Variants in SPTY2D1 observed in about 807,000 individuals in gnomAD.
SPTY2D1 encodes SPT2 chromatin protein domain containing 1.
Under a neutral mutation model 64.0 loss-of-function variants are expected in SPTY2D1, and 21 were observed. That is an observed-to-expected ratio of 0.33 (90% CI 0.23 to 0.47). The LOEUF (loss-of-function observed/expected upper bound fraction) is 0.47, where lower values mean the gene tolerates loss of function less well. SPTY2D1 is among the 20% of genes least tolerant of loss of function. The pLI, the probability that SPTY2D1 is intolerant of heterozygous loss-of-function variation, is 1.00. For missense variants in SPTY2D1, 724 were observed against 837.2 expected, an observed-to-expected ratio of 0.86 and a Z score of 1.67; for synonymous variants, 287 against 286.8, an observed-to-expected ratio of 1.00 and a Z score of -0.01.
rs777892914 is a variant in SPTY2D1 at position 18,615,242 on chromosome 11, A to G, written c.1032T>C (p.Ser344=). ...KSAVEHKAKK[S]LSHPSHSRPG... is the part of the protein sequence containing the mutation. ...GCCTGGAATGGCTAGGATGGGACAG[A>G]GATTTTTTGGCTTTGTGCTCAACAG... Residue 344 remains serine, a synonymous_variant, in exon 3 of 6, where the codon TCT becomes TCC. Transcript: ENST00000336349. 6 of 1,614,206 alleles carry G rather than the reference A, an allele frequency of 3.7e-6. No homozygotes were observed. The Admixed American group carries it at 1.0e-4, about 27-fold the overall frequency.
intron 1 of SPTY2D1, among the ~76,000 whole-genome samples, chr11:18,624,693 T>C (rs1854468107): frequency 6.6e-6 from 1 of 152,182 alleles, no homozygotes; most frequent in African/African-American, 2.4e-5. Flanking sequence ...CTGTATGTTA[T>C]GTTGGAATCG....
chr11:18,618,096 CAG>C (rs555492315), intron 1 of SPTY2D1, among the ~76,000 whole-genome samples: 36 of 152,180 alleles, frequency 2.4e-4, no homozygotes, highest in Non-Finnish European at 4.4e-4. Context: ...CTGACTACTC[CAG>C]ATGATTTCCT....
chr11:18,623,219 A>C (rs540369989), intron 1 of SPTY2D1, among the ~76,000 whole-genome samples: 119 of 152,310 alleles, frequency 7.8e-4, no homozygotes, highest in Non-Finnish European at 1.4e-3. Context: ...AAGTGGGTCC[A>C]CACAGTTCAA....
At position 18,608,537 on chromosome 11, in the gene SPTY2D1, T is replaced by TC. The variant is rs1854144128; in HGVS notation, c.*1323dup. ...TATTCCTACAAGCTTATGTCTCACT[T>TC]CCCCTAAGCCTCTGTACTTACAGTC... On this transcript the variant is annotated 3_prime_UTR_variant, in exon 6 of 6. Transcript: ENST00000336349. 2 of 152,298 alleles carry TC rather than the reference T, an allele frequency of 1.3e-5. No individual in the cohort carries two copies. Among genetic ancestry groups the TC allele is most frequent in the South Asian group, 2.1e-4 (1 of 4,828 alleles). The allele number at this position is 152,298 out of a possible 1,614,324, so 9.4% of individuals were successfully genotyped here.
Position 18,607,455 on chromosome 11 carries a change from A to G in SPTY2D1, c.*2406T>C, listed in dbSNP as rs1854127543. The G allele has an allele frequency of 1.3e-5, 2 of 152,664 alleles. No homozygotes were observed. The highest frequency in any genetic ancestry group is 4.8e-5 in the African/African-American group (2 of 41,452). 9.5% of individuals were successfully genotyped at this position (152,664 alleles called of 1,614,324 possible). A position where few individuals can be genotyped will look rare whatever the true frequency, so the allele number is the denominator to read the frequency against. On this transcript the variant is annotated 3_prime_UTR_variant, in exon 6 of 6. Transcript: ENST00000336349. ...ATCATGTAACATTATTACAATCATG[A>G]AATATTACTACATTCGTGATTAACA...
chr11:18,630,419 G>A (rs950453663), intron 1 of SPTY2D1, among the ~76,000 whole-genome samples: 2 of 152,162 alleles, frequency 1.3e-5, no homozygotes, highest in Non-Finnish European at 2.9e-5. Context: ...AGGCTGCAGT[G>A]AGCAGAGATA....
Position 18,606,659 on chromosome 11 carries a change from T to C in SPTY2D1, c.*3202A>G, listed in dbSNP as rs1244441067. On this transcript the variant is annotated 3_prime_UTR_variant, in exon 6 of 6. Coordinates refer to ENST00000336349, the MANE Select transcript of SPTY2D1 (RefSeq NM_194285.3). ...TAATCACATCCACTCAGAAAATAAATAGTAGTCTAATATATTCAATACATT... is the reference window on the plus strand; with the variant it reads ...TAATCACATCCACTCAGAAAATAAACAGTAGTCTAATATATTCAATACATT... 7.7e-6 allele frequency: 3 copies of C among 390,896 alleles called. No individual in the cohort carries two copies. Among genetic ancestry groups the C allele is most frequent in the South Asian group, 5.7e-5 (3 of 52,506 alleles). The allele number at this position is 390,896 out of a possible 1,614,324, so 24.2% of individuals were successfully genotyped here. A position where few individuals can be genotyped will look rare whatever the true frequency, so the allele number is the denominator to read the frequency against.
At chr11:18,628,913 G>C (rs1404947675) in intron 1 of SPTY2D1, among the ~76,000 whole-genome samples, 1 of 152,120 alleles carries the variant, frequency 6.6e-6, no homozygotes, top group Admixed American at 6.5e-5. Flanking sequence ...TTTTTATGCA[G>C]ACTACTTCAA....
At chr11:18,619,618 G>A (rs755111671) in intron 1 of SPTY2D1, among the ~76,000 whole-genome samples, 7 of 152,200 alleles carry the variant, frequency 4.6e-5, no homozygotes, top group Non-Finnish European at 1.0e-4. Flanking sequence ...TTAGCTGGGC[G>A]TGGTGGTGCC....
At position 18,607,060 on chromosome 11, in the gene SPTY2D1, A is replaced by C. The variant is rs1590397280; in HGVS notation, c.*2801T>G. 2 of 234,874 alleles carry C rather than the reference A, an allele frequency of 8.5e-6. No homozygotes were observed. Among genetic ancestry groups the C allele is most frequent in the African/African-American group, 4.8e-5 (2 of 41,888 alleles). The allele number at this position is 234,874 out of a possible 1,614,324, so 14.5% of individuals were successfully genotyped here. Reference sequence around the variant, plus strand: ...ATTTTTAGTAGAGACGGGGTCTCACACCATGTTGGCCAGGCTGGTCTCGAA... The same window carrying C: ...ATTTTTAGTAGAGACGGGGTCTCACCCCATGTTGGCCAGGCTGGTCTCGAA... On this transcript the variant is annotated 3_prime_UTR_variant, in exon 6 of 6. Coordinates refer to ENST00000336349, the MANE Select transcript of SPTY2D1 (RefSeq NM_194285.3).
chr11:18,629,051 G>C lies in SPTY2D1; in HGVS notation c.60+5147C>G, dbSNP rs191330735. 5.3e-5 allele frequency among the ~76,000 whole-genome samples: 8 copies of C among 152,242 alleles called. No individual in the cohort carries two copies. In the East Asian group the frequency reaches 1.5e-3, roughly 29 times the overall value. On this transcript the variant is annotated intron_variant, in intron 1 of 5. Transcript: ENST00000336349. ...GGCTATAGGCAGACCCCCAAATTCT[G>C]GTATACCTGGTACCACATGAAGGTT...
In SPTY2D1 at chr11:18,634,299, G is replaced by T. The variant is rs769164045; in HGVS notation, c.-42C>A. 6.2e-7 allele frequency: 1 copy of T among 1,609,922 alleles called. No homozygotes were observed. Among genetic ancestry groups the T allele is most frequent in the Non-Finnish European group, 8.5e-7 (1 of 1,176,802 alleles). The stretch of plus-strand genomic sequence containing the variant: ...AGAGACTGGGCCAGGCACTCGGAAA[G>T]GACTGACAGCGCACCTAACCGAGGC... On this transcript the variant is annotated 5_prime_UTR_variant, in exon 1 of 6. Coordinates refer to ENST00000336349, the MANE Select transcript of SPTY2D1 (RefSeq NM_194285.3).
intron 3 of SPTY2D1, among the ~76,000 whole-genome samples, chr11:18,613,185 TA>T (rs1854235125): frequency 6.6e-6 from 1 of 152,262 alleles, no homozygotes; most frequent in African/African-American, 2.4e-5. Context: ...TTTAAAAATT[TA>T]AAGTTGAATG....
intron 1 of SPTY2D1, among the ~76,000 whole-genome samples, chr11:18,626,030 G>C (rs1854492088): frequency 6.6e-6 from 1 of 152,058 alleles, no homozygotes; most frequent in Non-Finnish European, 1.5e-5. Flanking sequence ...ACGTTGGCCA[G>C]GTTGGTCTCG....
chr11:18,612,834 G>A lies in SPTY2D1; in HGVS notation c.1712-346C>T, dbSNP rs547693484. ...GGCTGGAGTGCAATGGTGCGATCTC[G>A]GCTCACTGCAACCTCTGCCTCCCAG... On this transcript the variant is annotated intron_variant, in intron 3 of 5. Transcript: ENST00000336349. The surrounding 1 kb of genome is among the most constrained non-coding windows in gnomAD (Gnocchi z 4.6). Among the ~76,000 whole-genome samples the A allele has an allele frequency of 3.3e-5, 5 of 150,920 alleles. No individual in the cohort carries two copies. The highest frequency in any genetic ancestry group is 1.9e-4 in the East Asian group (1 of 5,142).
At chr11:18,617,402 G>A (rs1274697246) in intron 1 of SPTY2D1, among the ~76,000 whole-genome samples, 3 of 151,994 alleles carry the variant, frequency 2.0e-5, no homozygotes, top group Non-Finnish European at 4.4e-5. Flanking sequence ...GGAGGCGGGC[G>A]AATCATGAGA....
At chr11:18,613,903 T>C (rs1854245745) in intron 3 of SPTY2D1, among the ~76,000 whole-genome samples, 1 of 152,162 alleles carries the variant, frequency 6.6e-6, no homozygotes, top group African/African-American at 2.4e-5. Flanking sequence ...CCAAGAAATA[T>C]CTGCTGAATA....
intron 1 of SPTY2D1, among the ~76,000 whole-genome samples, chr11:18,623,083 A>G (rs547617399): frequency 6.6e-6 from 1 of 152,310 alleles, no homozygotes; most frequent in African/African-American, 2.4e-5. Context: ...CAATTAACAT[A>G]CATTTTATGA....
At chr11:18,614,485 G>C (rs1001668675) in intron 3 of SPTY2D1, 78 bp downstream of exon 3, 1 of 1,390,714 alleles carries the variant, frequency 7.2e-7, no homozygotes, top group Non-Finnish European at 9.9e-7. Context: ...GGGGTTCAAA[G>C]GGTCCCTGAT....
Sources: gnomAD v4.1 joint callset for allele counts (sites outside exome capture counted in the v4.1 genomes callset) on GRCh38, gnomAD v4.1.1 for gene constraint, Gnocchi (gnomAD v3.1) non-coding constraint, MANE v1.5 for transcripts, NCBI Gene and HGNC (gene_info 2026-07-23, HGNC 2026-07-21) for gene names.